SPOCK1: variants seen among roughly 807,000 people sequenced by gnomAD.
SPOCK1 encodes SPARC (osteonectin), cwcv and kazal like domains proteoglycan 1.
A neutral mutation model predicts 55.3 loss-of-function variants in SPOCK1; 23 were observed. The observed-to-expected ratio is 0.42, with a 90% confidence interval of 0.30 to 0.59. The LOEUF (loss-of-function observed/expected upper bound fraction) is 0.59. SPOCK1 is among the 20% of genes least tolerant of loss of function. The pLI is 0.22. For synonymous variants in SPOCK1, 226 were observed against 221.0 expected (o/e 1.02, Z -0.20); for missense variants, 499 against 552.5 (o/e 0.90, Z 0.97).
At position 136,985,181 on chromosome 5, in the gene SPOCK1, A is replaced by T. The variant is rs757831403; in HGVS notation, c.950T>A (p.Met317Lys). 5 of 1,614,014 alleles carry T rather than the reference A, an allele frequency of 3.1e-6. No individual in the cohort carries two copies. In the East Asian group the frequency reaches 8.9e-5, roughly 29 times the overall value. The change falls in exon 9 of 11, where the codon ATG (methionine) becomes AAG (lysine). Residue 317 changes from methionine (M) to lysine (K), a missense_variant. By Grantham distance (95) the Met-to-Lys change is moderately conservative. Coordinates refer to ENST00000394945, the MANE Select transcript of SPOCK1 (RefSeq NM_004598.4). ...CTTACTCAGCTTCTGAATTCTGTTC[A>T]TTTCATTCTGGCAAGGGAGACCTAA... ...KPGGLPCQNE[M>K]NRIQKLSKGK...
rs553415235 is a variant in SPOCK1, at chr5:137,234,145, G to A, written c.232+32865C>T. Among the ~76,000 whole-genome samples, 35 of 152,298 alleles carry A rather than the reference G, an allele frequency of 2.3e-4. No individual in the cohort carries two copies. The South Asian group carries it at 6.2e-3, about 27-fold the overall frequency. ...AGTTTTGAGCTCACAGGGATAAAGA[G>A]GCTTCCCATACCAGGCCACTTATTG... On this transcript the variant is annotated intron_variant, in intron 3 of 10. Coordinates refer to ENST00000394945, the MANE Select transcript of SPOCK1 (RefSeq NM_004598.4).
intron 2 of SPOCK1, among the ~76,000 whole-genome samples, chr5:137,339,602 G>A (rs896873602): frequency 1.3e-5 from 2 of 152,082 alleles, no homozygotes; most frequent in Admixed American, 6.6e-5. Flanking sequence ...TTGAGTTCTT[G>A]GTAGTGTCTT....
chr5:137,092,914 C>T (rs544182013), intron 5 of SPOCK1, among the ~76,000 whole-genome samples: 4 of 152,246 alleles, frequency 2.6e-5, no homozygotes, highest in Admixed American at 2.0e-4. Context: ...GCCTTTTTGC[C>T]GGTGGGGGCT....
chr5:137,488,897 A>G (rs1332836395), intron 2 of SPOCK1, among the ~76,000 whole-genome samples: 1 of 152,172 alleles, frequency 6.6e-6, no homozygotes, highest in African/African-American at 2.4e-5. Flanking sequence ...AAATCCTTGT[A>G]TAATATGTCC....
At chr5:137,265,670 C>A (rs541596269) in intron 3 of SPOCK1, among the ~76,000 whole-genome samples, 1 of 152,120 alleles carries the variant, frequency 6.6e-6, no homozygotes, top group Non-Finnish European at 1.5e-5. Context: ...AATTCCGTTA[C>A]CACTCTAAGG....
At chr5:137,255,573 A>G (rs918388680) in intron 3 of SPOCK1, among the ~76,000 whole-genome samples, 2 of 152,242 alleles carry the variant, frequency 1.3e-5, no homozygotes, top group Non-Finnish European at 2.9e-5. Flanking sequence ...AAAAAGACAT[A>G]TCGGGTTATC....
At chr5:137,470,335 G>C (rs1037830037) in intron 2 of SPOCK1, among the ~76,000 whole-genome samples, 1 of 152,154 alleles carries the variant, frequency 6.6e-6, no homozygotes, top group African/African-American at 2.4e-5. Context: ...GTATTTTTAC[G>C]AAAAGAGGTC....
intron 2 of SPOCK1, among the ~76,000 whole-genome samples, chr5:137,341,152 C>A (rs571048141): frequency 6.6e-6 from 1 of 152,372 alleles, no homozygotes; most frequent in South Asian, 2.1e-4. Context: ...CAAGGGGGAA[C>A]AACTTCAAGC....
At chr5:137,152,390 A>G (rs191377986) in intron 3 of SPOCK1, among the ~76,000 whole-genome samples, 1 of 152,242 alleles carries the variant, frequency 6.6e-6, no homozygotes, top group Admixed American at 6.5e-5. Context: ...AAGGGCTATC[A>G]TGCTAATATA....
intron 9 of SPOCK1, among the ~76,000 whole-genome samples, chr5:136,984,642 A>G (rs1341021688): frequency 1.3e-5 from 2 of 152,220 alleles, no homozygotes; most frequent in Admixed American, 1.3e-4. Flanking sequence ...AACAGCCTGC[A>G]TACTTTCCTG....
At chr5:137,043,224 T>C (rs11242364) in intron 6 of SPOCK1, among the ~76,000 whole-genome samples, 67,460 of 152,036 alleles carry the variant, frequency 0.44, 17,368 homozygotes, top group Non-Finnish European at 0.58. Flanking sequence ...ATCTTAGTAT[T>C]GGATTAATAG....
At chr5:137,379,139 G>T (rs188297248) in intron 2 of SPOCK1, among the ~76,000 whole-genome samples, 54 of 152,190 alleles carry the variant, frequency 3.5e-4, no homozygotes, top group African/African-American at 1.2e-3. Flanking sequence ...CTACAGGGAT[G>T]GGGGGATGCT....
intron 2 of SPOCK1, among the ~76,000 whole-genome samples, chr5:137,409,731 G>GT (rs1561528082): frequency 1.3e-5 from 2 of 152,300 alleles, no homozygotes; most frequent in South Asian, 4.1e-4. Context: ...AGTTAATTTT[G>GT]TTTTTTGGTT....
Position 137,408,081 on chromosome 5 carries a change from T to C in SPOCK1, c.186+90292A>G, listed in dbSNP as rs1752138521. 2.0e-5 allele frequency among the ~76,000 whole-genome samples: 3 copies of C among 152,350 alleles called. No homozygotes were observed. In the South Asian group the frequency reaches 6.2e-4, roughly 32 times the overall value. ...CCTGGAAGATTTTTTTCACTGCATC[T>C]TGACTTATTTCCTTCACAACACTTA... On this transcript the variant is annotated intron_variant, in intron 2 of 10. Coordinates refer to ENST00000394945, the MANE Select transcript of SPOCK1 (RefSeq NM_004598.4).
intron 4 of SPOCK1, among the ~76,000 whole-genome samples, chr5:137,126,267 G>A (rs1395376939): frequency 1.3e-5 from 2 of 152,202 alleles, no homozygotes; most frequent in Non-Finnish European, 2.9e-5. Flanking sequence ...CTTCCACCAT[G>A]AGTGGATGCT....
At chr5:137,438,393 C>T (rs955463789) in intron 2 of SPOCK1, among the ~76,000 whole-genome samples, 3 of 152,072 alleles carry the variant, frequency 2.0e-5, no homozygotes, top group African/African-American at 7.2e-5. Context: ...GACACCTTGC[C>T]TAATAGAAGG....
chr5:137,188,393 T>C (rs1429392130), intron 3 of SPOCK1, among the ~76,000 whole-genome samples: 1 of 152,262 alleles, frequency 6.6e-6, no homozygotes, highest in African/African-American at 2.4e-5. Context: ...GTGCTCACTT[T>C]GTGTCTCTGT....
At chr5:137,213,841 T>G (rs1936932544) in intron 3 of SPOCK1, among the ~76,000 whole-genome samples, 2 of 152,188 alleles carry the variant, frequency 1.3e-5, no homozygotes, top group African/African-American at 4.8e-5. Flanking sequence ...AGCAAGGCCC[T>G]GGAACCAAAT....
chr5:136,983,561 T>A (rs1329938578), intron 9 of SPOCK1, among the ~76,000 whole-genome samples: 1 of 147,000 alleles, frequency 6.8e-6, no homozygotes, highest in Non-Finnish European at 1.5e-5. Flanking sequence ...TGTGAACAGA[T>A]TCTCAATCAA....
Sources: allele counts gnomAD v4.1 joint callset (sites outside exome capture counted in the v4.1 genomes callset), GRCh38; gene constraint gnomAD v4.1.1; transcripts MANE v1.5; gene names NCBI Gene and HGNC (gene_info 2026-07-23, HGNC 2026-07-21).